Variants in ROR2 observed in about 807,000 individuals in gnomAD.
ROR2 encodes tyrosine-protein kinase transmembrane receptor ROR2.
ROR2 carries 33 observed loss-of-function variants against 74.9 expected under a neutral mutation model. The observed-to-expected ratio is 0.44, with a 90% CI of 0.33 to 0.59. The LOEUF (loss-of-function observed/expected upper bound fraction) is 0.59. Among genes scored for constraint, ROR2 ranks in the 20% least tolerant of loss-of-function variants. The pLI, the probability that ROR2 is intolerant of heterozygous loss-of-function variation, is 0.02. For missense variants in ROR2, 1,216 were observed against 1,313.8 expected, an observed-to-expected ratio of 0.93 and a Z score of 1.15; for synonymous variants, 586 against 558.7, an observed-to-expected ratio of 1.05 and a Z score of -0.69.
At chr9:91,740,374 C>G (rs1395040151) in intron 4 of ROR2, among the ~76,000 whole-genome samples, 1 of 151,954 alleles carries the variant, frequency 6.6e-6, no homozygotes, top group Non-Finnish European at 1.5e-5. Flanking sequence ...CGGTGAAACC[C>G]CATCTCTACT....
intron 1 of ROR2, among the ~76,000 whole-genome samples, chr9:91,817,369 C>T (rs1454093871): frequency 6.6e-6 from 1 of 152,172 alleles, no homozygotes; most frequent in African/African-American, 2.4e-5. Flanking sequence ...ACCAATGCAG[C>T]TATAGGACCA....
intron 2 of ROR2, among the ~76,000 whole-genome samples, chr9:91,769,920 G>A (rs932396934): frequency 3.3e-5 from 5 of 152,156 alleles, no homozygotes; most frequent in Non-Finnish European, 5.9e-5. Context: ...TGTGGGCTTC[G>A]GTAAATACTT....
At chr9:91,847,079 G>T (rs897202235) in intron 1 of ROR2, among the ~76,000 whole-genome samples, 1 of 152,148 alleles carries the variant, frequency 6.6e-6, no homozygotes, top group African/African-American at 2.4e-5. Flanking sequence ...GGGCCGGGGG[G>T]AAATGGGGGA....
chr9:91,834,875 C>T (rs1022267480), intron 1 of ROR2, among the ~76,000 whole-genome samples: 3 of 152,190 alleles, frequency 2.0e-5, no homozygotes, highest in African/African-American at 4.8e-5. Flanking sequence ...CAATAAAACC[C>T]GATAGCATGG....
At chr9:91,842,466 T>TG (rs1828810982) in intron 1 of ROR2, among the ~76,000 whole-genome samples, 1 of 152,218 alleles carries the variant, frequency 6.6e-6, no homozygotes, top group Non-Finnish European at 1.5e-5. Context: ...AGAACCCAAA[T>TG]GCTGGCCCTT....
chr9:91,822,903 G>A (rs1463618107), intron 1 of ROR2, among the ~76,000 whole-genome samples: 1 of 152,136 alleles, frequency 6.6e-6, no homozygotes, highest in Non-Finnish European at 1.5e-5. Flanking sequence ...CATCCAGTCT[G>A]ACAGCAAACA....
chr9:91,808,916 T>C (rs1827658074), intron 1 of ROR2, among the ~76,000 whole-genome samples: 1 of 151,078 alleles, frequency 6.6e-6, no homozygotes, highest in Non-Finnish European at 1.5e-5. Context: ...GGCAGGAGAA[T>C]GGCATGAACC....
intron 2 of ROR2, among the ~76,000 whole-genome samples, chr9:91,772,285 G>A (rs1376056027): frequency 6.6e-6 from 1 of 152,244 alleles, no homozygotes; most frequent in Non-Finnish European, 1.5e-5. Flanking sequence ...GAGTGCTGAT[G>A]ATCCACCAAT....
At chr9:91,725,483 T>C (rs77618210) in intron 8 of ROR2, among the ~76,000 whole-genome samples, 9,326 of 152,188 alleles carry the variant, frequency 0.061, 343 homozygotes, top group East Asian at 0.14. Context: ...GGACATACCC[T>C]GCCAGGTTCC....
rs1830793315 is a variant in ROR2, at chr9:91,905,568, CAT to C, written c.97+44297_97+44298del. On this transcript the variant is annotated intron_variant, in intron 1 of 8. Coordinates refer to ENST00000375708, the MANE Select transcript of ROR2 (RefSeq NM_004560.4). The surrounding 1 kb of genome is among the most constrained non-coding windows in gnomAD (Gnocchi z 5.3). ...AGACACAATACAACACATACACAAA[CAT>C]ACAACACATACACAAACATCACACA... 2.0e-5 allele frequency among the ~76,000 whole-genome samples: 3 copies of C among 151,716 alleles called. No individual in the cohort carries two copies. Among genetic ancestry groups the C allele is most frequent in the Admixed American group, 1.3e-4 (2 of 15,240 alleles).
intron 1 of ROR2, among the ~76,000 whole-genome samples, chr9:91,783,582 C>G (rs1826696061): frequency 6.6e-6 from 1 of 150,930 alleles, no homozygotes; most frequent in South Asian, 2.1e-4. Context: ...CCTCCCACTT[C>G]ACCCCTCCAG....
intron 1 of ROR2, among the ~76,000 whole-genome samples, chr9:91,949,615 C>A (rs1362685001): frequency 6.6e-6 from 1 of 151,958 alleles, no homozygotes; most frequent in Non-Finnish European, 1.5e-5. Flanking sequence ...AGGCTCCCAG[C>A]CGCCGCCGCC....
chr9:91,832,727 G>A (rs1016710554), intron 1 of ROR2, among the ~76,000 whole-genome samples: 4 of 152,146 alleles, frequency 2.6e-5, no homozygotes, highest in African/African-American at 7.2e-5. Flanking sequence ...CAAGTAAGTC[G>A]ATTCCCTGTG....
At chr9:91,908,189 T>C (rs1292007767) in intron 1 of ROR2, among the ~76,000 whole-genome samples, 1 of 152,108 alleles carries the variant, frequency 6.6e-6, no homozygotes, top group Non-Finnish European at 1.5e-5. Flanking sequence ...CTTGGTCACA[T>C]GGTGAGTGGT....
At position 91,731,085 on chromosome 9, in the gene ROR2, C is replaced by T; in HGVS notation, c.1008G>A (p.Gln336=). The T allele has an allele frequency of 6.2e-7, 1 of 1,614,140 alleles. No individual in the cohort carries two copies. The change falls in exon 7 of 9, where the codon CAG becomes CAA. Residue 336 remains glutamine, a synonymous_variant. Coordinates refer to ENST00000375708, the MANE Select transcript of ROR2 (RefSeq NM_004560.4). ...GGTGCTGCAGGGCCCACGGCTGGCA[C>T]TGGTGGCCTGACTTGGTGGTGCTTG... ...GTASTTKSGH[Q]CQPWALQHPH... is the part of the protein sequence containing the mutation.
chr9:91,893,033 T>C (rs1413396832), intron 1 of ROR2, among the ~76,000 whole-genome samples: 3 of 152,176 alleles, frequency 2.0e-5, no homozygotes, highest in South Asian at 2.1e-4. Flanking sequence ...GTGGTAACCA[T>C]GGGAGCAAGC....
intron 1 of ROR2, among the ~76,000 whole-genome samples, chr9:91,900,644 G>C (rs575886283): frequency 2.6e-5 from 4 of 152,182 alleles, no homozygotes; most frequent in African/African-American, 9.7e-5. Flanking sequence ...GACTCCTCGC[G>C]GGGCACGTCG....
intron 1 of ROR2, among the ~76,000 whole-genome samples, chr9:91,940,207 G>A (rs1347653216): frequency 6.6e-6 from 1 of 152,190 alleles, no homozygotes; most frequent in African/African-American, 2.4e-5. Flanking sequence ...CAACACCAGG[G>A]CTCCTTGTTG....
chr9:91,841,228 G>A (rs1373149092), intron 1 of ROR2, among the ~76,000 whole-genome samples: 1 of 152,228 alleles, frequency 6.6e-6, no homozygotes, highest in Non-Finnish European at 1.5e-5. Context: ...TTCACTCCCA[G>A]AGTGATGGAA....
Sources: allele counts gnomAD v4.1 joint callset (sites outside exome capture counted in the v4.1 genomes callset), GRCh38; gene constraint gnomAD v4.1.1; non-coding constraint Gnocchi (gnomAD v3.1); transcripts MANE v1.5; gene names NCBI Gene and HGNC (gene_info 2026-07-23, HGNC 2026-07-21).